Variants in GRM3 observed in about 807,000 individuals in gnomAD.
The protein encoded by GRM3 is glutamate metabotropic receptor 3.
GRM3 carries 26 observed loss-of-function variants against 70.5 expected under a neutral mutation model. The ratio of observed to expected loss-of-function variants is 0.37; its 90% confidence interval spans 0.27 to 0.51. The LOEUF is 0.51. Among genes scored for constraint, GRM3 ranks in the 20% least tolerant of loss-of-function variants. GRM3 has a pLI of 0.93. For synonymous variants in GRM3, 443 were observed against 434.9 expected, an observed-to-expected ratio of 1.02 and a Z score of -0.23; for missense variants, 859 against 1,123.8, an observed-to-expected ratio of 0.76 and a Z score of 3.37.
intron 3 of GRM3, among the ~76,000 whole-genome samples, chr7:86,820,457 G>A (rs1798097486): frequency 6.6e-6 from 1 of 152,064 alleles, no homozygotes; most frequent in Non-Finnish European, 1.5e-5. Context: ...AAATGCAGCA[G>A]GTAGTACATA....
chr7:86,784,495 C>G (rs959007630), intron 2 of GRM3: 4 of 152,170 alleles, frequency 2.6e-5, no homozygotes, highest in East Asian at 3.9e-4. Context: ...TATCACCAAG[C>G]CTTCCATAGT....
chr7:86,644,294 A>G lies in GRM3; in HGVS notation c.-719A>G. Reference sequence around the variant, plus strand: ...CTGAAGACTCTGCAGATATACCCTTATAAGAGGGAGGGTGGGGGAGGGAAA... The same window carrying G: ...CTGAAGACTCTGCAGATATACCCTTGTAAGAGGGAGGGTGGGGGAGGGAAA... On this transcript the variant is annotated 5_prime_UTR_variant, in exon 1 of 6. Coordinates refer to ENST00000361669, the MANE Select transcript of GRM3 (RefSeq NM_000840.3). 3.8e-6 allele frequency: 1 copy of G among 263,600 alleles called. No individual in the cohort carries two copies. Among genetic ancestry groups the G allele is most frequent in the Non-Finnish European group, 7.4e-6 (1 of 134,782 alleles). The allele number at this position is 263,600 out of a possible 1,614,324, so 16.3% of individuals were successfully genotyped here. A position where few individuals can be genotyped will look rare whatever the true frequency, so the allele number is the denominator to read the frequency against.
chr7:86,801,688 G>A (rs944707842), intron 3 of GRM3, among the ~76,000 whole-genome samples: 33 of 152,090 alleles, frequency 2.2e-4, no homozygotes, highest in African/African-American at 7.7e-4. Flanking sequence ...ACAATACACA[G>A]CAGTTCATCA....
chr7:86,799,621 G>C (rs1797636590), intron 3 of GRM3, among the ~76,000 whole-genome samples: 1 of 152,066 alleles, frequency 6.6e-6, no homozygotes, highest in Non-Finnish European at 1.5e-5. Context: ...CCGCCTCCTG[G>C]GTTCACGCCA....
At chr7:86,781,803 TTTA>T (rs1233194022) in intron 2 of GRM3, among the ~76,000 whole-genome samples, 2 of 152,292 alleles carry the variant, frequency 1.3e-5, no homozygotes, top group East Asian at 3.9e-4. Context: ...AATATAAGAC[TTTA>T]TATAAGACTT....
chr7:86,735,597 TAAC>T lies in GRM3; in HGVS notation c.-140-29405_-140-29403del, dbSNP rs1285229989. 2.6e-5 allele frequency among the ~76,000 whole-genome samples: 4 copies of T among 152,314 alleles called. No individual in the cohort carries two copies. In the South Asian group the frequency reaches 6.2e-4, roughly 24 times the overall value. On this transcript the variant is annotated intron_variant, in intron 1 of 5. Transcript: ENST00000361669. The stretch of plus-strand genomic sequence containing the variant: ...TTTATAAGCACTCATTTGGTTTTCA[TAAC>T]AACTCTGTAAAGTGGGTATTATTGT...
chr7:86,673,806 G>A (rs1794235145), intron 1 of GRM3, among the ~76,000 whole-genome samples: 1 of 152,096 alleles, frequency 6.6e-6, no homozygotes, highest in African/African-American at 2.4e-5. Context: ...GCCCAAGCCA[G>A]AAACATGGGA....
intron 1 of GRM3, among the ~76,000 whole-genome samples, chr7:86,720,720 T>C (rs1795438997): frequency 6.6e-6 from 1 of 152,060 alleles, no homozygotes; most frequent in Non-Finnish European, 1.5e-5. Context: ...TAGCGCAGTG[T>C]ATCACTGTGT....
At chr7:86,850,317 G>A in intron 4 of GRM3, 53 bp from the exon 5 acceptor site, 2 of 1,281,904 alleles carry the variant, frequency 1.6e-6, no homozygotes, top group South Asian at 1.2e-5. Context: ...TCTTTAGTTG[G>A]CCACTTGACT....
intron 1 of GRM3, among the ~76,000 whole-genome samples, chr7:86,761,604 T>G (rs915776287): frequency 1.3e-5 from 2 of 152,168 alleles, no homozygotes; most frequent in Non-Finnish European, 2.9e-5. Context: ...GATGTCTATA[T>G]TCCTTCAAGA....
intron 1 of GRM3, among the ~76,000 whole-genome samples, chr7:86,659,382 C>G (rs993029534): frequency 2.0e-5 from 3 of 151,904 alleles, no homozygotes; most frequent in African/African-American, 7.3e-5. Flanking sequence ...TCATGGTAGC[C>G]CTATGAGGAT....
At chr7:86,735,688 T>A (rs1175660052) in intron 1 of GRM3, among the ~76,000 whole-genome samples, 5 of 152,206 alleles carry the variant, frequency 3.3e-5, no homozygotes, top group Admixed American at 3.3e-4. Flanking sequence ...TACGAGTGGA[T>A]GAAGGATCAA....
chr7:86,741,373 C>T (rs1795987297), intron 1 of GRM3, among the ~76,000 whole-genome samples: 1 of 152,210 alleles, frequency 6.6e-6, no homozygotes, highest in Non-Finnish European at 1.5e-5. Context: ...GCAACCTCCA[C>T]ATGGCAACTT....
At chr7:86,814,256 A>G (rs1207416333) in intron 3 of GRM3, among the ~76,000 whole-genome samples, 1 of 151,700 alleles carries the variant, frequency 6.6e-6, no homozygotes, top group African/African-American at 2.4e-5. Context: ...TTTTTCCATA[A>G]GTTATTGGGG....
At chr7:86,704,502 T>C (rs1027829931) in intron 1 of GRM3, among the ~76,000 whole-genome samples, 2 of 151,844 alleles carry the variant, frequency 1.3e-5, no homozygotes, top group Non-Finnish European at 2.9e-5. Flanking sequence ...CCAAAATATA[T>C]GGCAGTCTTT....
chr7:86,850,512 G>C lies in GRM3; in HGVS notation c.2534G>C (p.Ser845Thr), dbSNP rs777791979. The change falls in exon 5 of 6, where the codon AGT becomes ACT. Residue 845 changes from serine (S) to threonine (T), a missense_variant. Transcript: ENST00000361669. ...VTHRLHLNRFSVSGTGTTYSQ... is the reference protein window; with the variant it reads ...VTHRLHLNRFTVSGTGTTYSQ... ...CACAGACTGCACCTCAACAGGTTCA[G>C]TGTCAGTGGAACTGGGACCACATAC... The C allele has an allele frequency of 1.9e-6, 3 of 1,611,662 alleles. No individual in the cohort carries two copies. Among genetic ancestry groups the C allele is most frequent in the Non-Finnish European group, 2.5e-6 (3 of 1,177,908 alleles).
chr7:86,774,876 A>T (rs956089880), intron 2 of GRM3, among the ~76,000 whole-genome samples: 1 of 152,176 alleles, frequency 6.6e-6, no homozygotes, highest in African/African-American at 2.4e-5. Flanking sequence ...AAAAAAGTAA[A>T]TTCCATCTAA....
chr7:86,781,271 A>G (rs1253538664), intron 2 of GRM3, among the ~76,000 whole-genome samples: 2 of 152,180 alleles, frequency 1.3e-5, no homozygotes, highest in African/African-American at 4.8e-5. Flanking sequence ...AGGTAGTCTG[A>G]AAACAGTAAC....
intron 1 of GRM3, among the ~76,000 whole-genome samples, chr7:86,713,663 T>C (rs1387684083): frequency 6.6e-6 from 1 of 152,022 alleles, no homozygotes; most frequent in Non-Finnish European, 1.5e-5. Context: ...CTTCATTTGG[T>C]ACAAAATACA....
Sources: allele counts gnomAD v4.1 joint callset (sites outside exome capture counted in the v4.1 genomes callset), GRCh38; gene constraint gnomAD v4.1.1; transcripts MANE v1.5; gene names NCBI Gene and HGNC (gene_info 2026-07-23, HGNC 2026-07-21).